Variants in SLC39A11 observed in about 807,000 individuals in gnomAD.
SLC39A11 encodes solute carrier family 39 member 11.
A neutral mutation model predicts 36.1 loss-of-function variants in SLC39A11; 33 were observed. That is an observed-to-expected ratio of 0.91 (90% CI 0.69 to 1.22). SLC39A11 has a LOEUF of 1.22. Ranked by LOEUF, SLC39A11 falls within the 50% of genes most tolerant of loss-of-function variation. The probability of loss-of-function intolerance (pLI) is 0.00; values close to 1 mark genes in which losing one functional copy is unlikely to be tolerated. For missense variants in SLC39A11, 432 were observed against 430.3 expected (o/e 1.00, Z -0.03); for synonymous variants, 166 against 170.3 (o/e 0.97, Z 0.20).
chr17:72,809,338 C>T (rs143038783), intron 6 of SLC39A11, among the ~76,000 whole-genome samples: 54 of 152,154 alleles, frequency 3.5e-4, no homozygotes, highest in African/African-American at 1.0e-3. Flanking sequence ...GGTACAGGAG[C>T]GGCAATTGTT....
chr17:72,773,103 A>G (rs1452869154), intron 6 of SLC39A11, among the ~76,000 whole-genome samples: 1 of 152,176 alleles, frequency 6.6e-6, no homozygotes, highest in Non-Finnish European at 1.5e-5. Context: ...GAAAAAAGAA[A>G]GAAAGAAAGA....
chr17:73,061,069 T>C (rs1169197237), intron 3 of SLC39A11, among the ~76,000 whole-genome samples: 1 of 152,182 alleles, frequency 6.6e-6, no homozygotes, highest in Non-Finnish European at 1.5e-5. Context: ...TGGGTAAGAA[T>C]TCTCAGAACT....
At chr17:72,838,124 GAAGAAA>G (rs1297945247) in intron 6 of SLC39A11, 14 of 447,318 alleles carry the variant, frequency 3.1e-5, no homozygotes, top group Non-Finnish European at 5.2e-5. Flanking sequence ...GTCTCTACTG[GAAGAAA>G]AAAATTAAAA....
At chr17:72,879,227 T>C (rs1321063514) in intron 5 of SLC39A11, among the ~76,000 whole-genome samples, 1 of 152,216 alleles carries the variant, frequency 6.6e-6, no homozygotes, top group Non-Finnish European at 1.5e-5. Context: ...AATCATTAAG[T>C]CATTAGCCCA....
At chr17:73,044,948 T>G (rs2059230307) in intron 3 of SLC39A11, among the ~76,000 whole-genome samples, 1 of 151,774 alleles carries the variant, frequency 6.6e-6, no homozygotes, top group African/African-American at 2.4e-5. Context: ...TACACACCAC[T>G]GACCAAACTC....
At chr17:73,036,046 TCTC>T (rs1324926277) in intron 3 of SLC39A11, among the ~76,000 whole-genome samples, 2 of 151,862 alleles carry the variant, frequency 1.3e-5, no homozygotes, top group Admixed American at 6.6e-5. Flanking sequence ...GGAAGCAACT[TCTC>T]CTCCAAATCC....
intron 6 of SLC39A11, among the ~76,000 whole-genome samples, chr17:72,775,570 C>A (rs915909996): frequency 1.3e-5 from 2 of 152,046 alleles, no homozygotes; most frequent in African/African-American, 4.8e-5. Flanking sequence ...CTGCATGCTG[C>A]GAGACAATCT....
intron 7 of SLC39A11, among the ~76,000 whole-genome samples, chr17:72,689,452 T>C (rs1423699890): frequency 6.6e-6 from 1 of 151,700 alleles, no homozygotes; most frequent in South Asian, 2.1e-4. Flanking sequence ...GTATACACCA[T>C]ACAGAAATGG....
chr17:72,915,773 T>TCCAGTAGCTCCTA (rs1221756983), intron 5 of SLC39A11, among the ~76,000 whole-genome samples: 2 of 152,180 alleles, frequency 1.3e-5, no homozygotes, highest in Admixed American at 1.3e-4. Context: ...GCAGCTCACA[T>TCCAGTAGCTCCTA]CCAGTAGCTC....
At chr17:72,744,358 G>T (rs1260167061) in intron 6 of SLC39A11, among the ~76,000 whole-genome samples, 1 of 152,096 alleles carries the variant, frequency 6.6e-6, no homozygotes, top group Non-Finnish European at 1.5e-5. Flanking sequence ...TGTCCCAGTT[G>T]TGACAAAGAT....
At chr17:72,673,653 C>T (rs900981708) in intron 7 of SLC39A11, among the ~76,000 whole-genome samples, 5 of 152,068 alleles carry the variant, frequency 3.3e-5, no homozygotes, top group African/African-American at 1.2e-4. Context: ...TGTAATACAA[C>T]TTAGTTTCAT....
At chr17:72,828,667 G>A (rs999616811) in intron 6 of SLC39A11, among the ~76,000 whole-genome samples, 7 of 152,182 alleles carry the variant, frequency 4.6e-5, no homozygotes, top group African/African-American at 9.7e-5. Flanking sequence ...GGGGGTTTTC[G>A]CACCTGTGGG....
At chr17:73,074,310 C>A (rs901495395) in intron 3 of SLC39A11, among the ~76,000 whole-genome samples, 2 of 123,574 alleles carry the variant, frequency 1.6e-5, no homozygotes, top group Admixed American at 1.7e-4. Context: ...CCCCACCCCC[C>A]GCCCCAAGAC....
At chr17:72,969,175 G>A (rs1224845221) in intron 4 of SLC39A11, among the ~76,000 whole-genome samples, 1 of 152,188 alleles carries the variant, frequency 6.6e-6, no homozygotes, top group South Asian at 2.1e-4. Context: ...GCTTAAACAT[G>A]ATGGCCCAGG....
chr17:73,047,839 G>A (rs1463753171), intron 3 of SLC39A11, among the ~76,000 whole-genome samples: 2 of 150,658 alleles, frequency 1.3e-5, no homozygotes, highest in Non-Finnish European at 3.0e-5. Context: ...GTGGTGGCAT[G>A]TGCCTGTAAT....
At chr17:72,798,594 A>C (rs2076979527) in intron 6 of SLC39A11, among the ~76,000 whole-genome samples, 2 of 151,828 alleles carry the variant, frequency 1.3e-5, no homozygotes, top group African/African-American at 4.8e-5. Flanking sequence ...CACGTTGGTC[A>C]GGCTGGTCTC....
At chr17:72,703,498 G>A (rs934495214) in intron 7 of SLC39A11, among the ~76,000 whole-genome samples, 11 of 150,794 alleles carry the variant, frequency 7.3e-5, no homozygotes, top group Non-Finnish European at 1.3e-4. Context: ...GTTGGGGGGC[G>A]ATACCCCACA....
intron 5 of SLC39A11, among the ~76,000 whole-genome samples, chr17:72,933,634 C>T (rs1413017780): frequency 2.6e-5 from 4 of 152,154 alleles, no homozygotes; most frequent in African/African-American, 4.8e-5. Flanking sequence ...ATTATCTAGC[C>T]TCAGCCTCCT....
chr17:72,750,259 G>T (rs1050428562), intron 6 of SLC39A11, among the ~76,000 whole-genome samples: 9 of 152,030 alleles, frequency 5.9e-5, no homozygotes, highest in Non-Finnish European at 8.8e-5. Flanking sequence ...GTGCAGTCTG[G>T]GTCCCAGGTT....
Sources: gnomAD v4.1 joint callset for allele counts (sites outside exome capture counted in the v4.1 genomes callset) on GRCh38, gnomAD v4.1.1 for gene constraint, MANE v1.5 for transcripts, NCBI Gene and HGNC (gene_info 2026-07-23, HGNC 2026-07-21) for gene names.